Variants in MICAL2 observed in about 807,000 individuals in gnomAD.
The protein encoded by MICAL2 is [F-actin]-monooxygenase MICAL2.
A neutral mutation model predicts 127.3 loss-of-function variants in MICAL2; 77 were observed. The ratio of observed to expected loss-of-function variants is 0.60; its 90% CI spans 0.50 to 0.73. The LOEUF (loss-of-function observed/expected upper bound fraction) is 0.73, where lower values mean the gene tolerates loss of function less well. Among genes scored for constraint, MICAL2 ranks in the 30% least tolerant of loss-of-function variants. The probability of loss-of-function intolerance (pLI) is 0.00; values close to 1 mark genes in which losing one functional copy is unlikely to be tolerated. For synonymous variants in MICAL2, 570 were observed against 551.1 expected, an observed-to-expected ratio of 1.03 and a Z score of -0.48; for missense variants, 1,351 against 1,434.4, an observed-to-expected ratio of 0.94 and a Z score of 0.94.
At chr11:12,163,595 C>G (rs1414333013) in intron 3 of MICAL2, 2 of 152,338 alleles carry the variant, frequency 1.3e-5, no homozygotes, top group African/African-American at 4.8e-5. Context: ...CAGGTTGAAA[C>G]AGACCAGTCG....
intron 3 of MICAL2, among the ~76,000 whole-genome samples, chr11:12,188,786 T>C (rs765483529): frequency 1.3e-5 from 2 of 152,156 alleles, no homozygotes; most frequent in Non-Finnish European, 2.9e-5. Context: ...ACCTACTTTA[T>C]AGGATCCTTG....
intron 3 of MICAL2, among the ~76,000 whole-genome samples, chr11:12,184,873 T>C (rs1258075879): frequency 6.6e-6 from 1 of 151,410 alleles, no homozygotes; most frequent in Non-Finnish European, 1.5e-5. Context: ...AGAATCTCTC[T>C]AGTTAGCCAG....
chr11:12,272,704 G>C (rs1236211722), upstream of MICAL2, among the ~76,000 whole-genome samples: 3 of 152,210 alleles, frequency 2.0e-5, no homozygotes, highest in Non-Finnish European at 4.4e-5. Context: ...GTAGGTCTAA[G>C]GGCGAGGGAG....
At chr11:12,258,823 G>C (rs954457187) in intron 25 of MICAL2, among the ~76,000 whole-genome samples, 2 of 152,252 alleles carry the variant, frequency 1.3e-5, no homozygotes, top group Middle Eastern at 3.2e-3. Context: ...TTGCCCATGT[G>C]GCAGGGATGG....
chr11:12,243,816 C>A (rs1437007659), intron 20 of MICAL2, among the ~76,000 whole-genome samples, 171 bp from the exon 21 acceptor site: 1 of 152,214 alleles, frequency 6.6e-6, no homozygotes, highest in Non-Finnish European at 1.5e-5. Flanking sequence ...AACCAGGAGC[C>A]AGATAATCCT....
chr11:12,241,117 G>A lies in MICAL2; in HGVS notation c.2292G>A (p.Lys764=), dbSNP rs1859874492. The A allele has an allele frequency of 6.2e-7, 1 of 1,614,144 alleles. No individual in the cohort carries two copies. The highest frequency in any genetic ancestry group is 8.5e-7 in the Non-Finnish European group (1 of 1,180,028). Residue 764 remains lysine (K), a synonymous_variant, in exon 18 of 28, where the codon AAG becomes AAA. Transcript: ENST00000683283. ...CTCCTGTTCACTCTTGCTGCCCCAAGCCGGAGGAGGCCACACCCAGCCCAT... is the reference window on the plus strand; with the variant it reads ...CTCCTGTTCACTCTTGCTGCCCCAAACCGGAGGAGGCCACACCCAGCCCAT... The part of the protein sequence containing the change: ...SGPPVHSCCP[K]PEEATPSPSP...
intron 29 of MICAL2, among the ~76,000 whole-genome samples, chr11:12,312,593 A>T (rs1353255208): frequency 6.6e-6 from 1 of 152,230 alleles, no homozygotes; most frequent in Non-Finnish European, 1.5e-5. Flanking sequence ...GTTTAACAGG[A>T]GAAAAGGCAT....
intron 5 of MICAL2, 65 bp from the exon 6 acceptor site, chr11:12,209,432 G>A (rs1022233379): frequency 3.1e-5 from 39 of 1,270,320 alleles, no homozygotes; most frequent in Middle Eastern, 3.7e-4. Flanking sequence ...GCCACCACAC[G>A]GGGGGTATAA....
intron 6 of MICAL2, among the ~76,000 whole-genome samples, chr11:12,210,087 T>C (rs1202242227): frequency 6.6e-6 from 1 of 152,186 alleles, no homozygotes; most frequent in Non-Finnish European, 1.5e-5. Flanking sequence ...GGAACTCACC[T>C]CTTTTTGTAA....
chr11:12,158,899 G>T lies in MICAL2; in HGVS notation c.-77-3180G>T, dbSNP rs545437222. ...AGGTTACCCTGACTCTAAATATTCT[G>T]ATGTTAATCCCACGAGGAAAGCTAC... On this transcript the variant is annotated intron_variant, in intron 2 of 27. Coordinates refer to ENST00000683283, the MANE Select transcript of MICAL2 (RefSeq NM_001282663.2). Among the ~76,000 whole-genome samples the T allele has an allele frequency of 1.8e-4, 28 of 152,350 alleles. 1 individual carries two copies. In the East Asian group the frequency reaches 5.4e-3, roughly 29 times the overall value.
At chr11:12,356,321 T>C (rs1035488057) in intron 34 of MICAL2, among the ~76,000 whole-genome samples, 1 of 152,220 alleles carries the variant, frequency 6.6e-6, no homozygotes, top group Admixed American at 6.5e-5. Context: ...AAACTTAATC[T>C]GATGCAATAA....
intron 32 of MICAL2, among the ~76,000 whole-genome samples, chr11:12,348,957 A>G (rs913288545): frequency 2.0e-5 from 3 of 152,226 alleles, no homozygotes; most frequent in Non-Finnish European, 4.4e-5. Context: ...CACTTTAACC[A>G]GTGAAGAAGC....
chr11:12,334,454 T>C (rs1938709296), intron 32 of MICAL2, among the ~76,000 whole-genome samples: 1 of 152,116 alleles, frequency 6.6e-6, no homozygotes, highest in African/African-American at 2.4e-5. Flanking sequence ...TTTTTTTTAA[T>C]TTTATTATTA....
intron 2 of MICAL2, among the ~76,000 whole-genome samples, chr11:12,139,547 T>C (rs1273337415): frequency 1.3e-5 from 2 of 152,022 alleles, no homozygotes; most frequent in Non-Finnish European, 2.9e-5. Flanking sequence ...GCTGGCCTGG[T>C]GGGCGCTGAG....
At chr11:12,125,448 G>T (rs576907273) in intron 1 of MICAL2, among the ~76,000 whole-genome samples, 1 of 152,126 alleles carries the variant, frequency 6.6e-6, no homozygotes, top group African/African-American at 2.4e-5. Flanking sequence ...TACAGACGGG[G>T]TTTCACCATG....
At chr11:12,187,789 G>T (rs543644425) in intron 3 of MICAL2, among the ~76,000 whole-genome samples, 1 of 152,054 alleles carries the variant, frequency 6.6e-6, no homozygotes, top group South Asian at 2.1e-4. Flanking sequence ...ACTCCCTGCT[G>T]TCTGTGTGGG....
intron 3 of MICAL2, among the ~76,000 whole-genome samples, chr11:12,168,158 A>ACACACACG (rs762787603): frequency 7.9e-5 from 12 of 151,478 alleles, no homozygotes; most frequent in Non-Finnish European, 1.3e-4. Flanking sequence ...ACACACACAC[A>ACACACACG]CACACACACA....
At chr11:12,183,391 G>GA (rs1857734600) in intron 3 of MICAL2, among the ~76,000 whole-genome samples, 1 of 152,136 alleles carries the variant, frequency 6.6e-6, no homozygotes, top group African/African-American at 2.4e-5. Context: ...TGGCCTGGTG[G>GA]ACATCTGTCC....
chr11:12,205,947 G>T (rs985786317), intron 4 of MICAL2, among the ~76,000 whole-genome samples: 16 of 152,194 alleles, frequency 1.1e-4, no homozygotes, highest in Admixed American at 9.8e-4. Flanking sequence ...AAGGAATGAG[G>T]CTTGGGCGGG....
Sources: gnomAD v4.1 joint callset for allele counts (sites outside exome capture counted in the v4.1 genomes callset) on GRCh38, gnomAD v4.1.1 for gene constraint, MANE v1.5 for transcripts, NCBI Gene and HGNC (gene_info 2026-07-23, HGNC 2026-07-21) for gene names.